RAD18: variants seen among roughly 807,000 people sequenced by gnomAD.
RAD18 encodes the protein E3 ubiquitin-protein ligase RAD18.
In RAD18, 47 loss-of-function variants were observed where a neutral mutation model predicts 60.4. The ratio of observed to expected loss-of-function variants is 0.78; its 90% CI spans 0.62 to 0.99. The LOEUF is 0.99. Among genes scored for constraint, RAD18 ranks in the 50% least tolerant of loss-of-function variants. The probability of loss-of-function intolerance (pLI) is 0.00; values close to 1 mark genes in which losing one functional copy is unlikely to be tolerated. For synonymous variants in RAD18, 225 were observed against 195.5 expected (o/e 1.15, Z -1.26); for missense variants, 640 against 593.3 (o/e 1.08, Z -0.82).
intron 7 of RAD18, among the ~76,000 whole-genome samples, chr3:8,925,801 T>A (rs1169649437): frequency 2.6e-4 from 40 of 152,228 alleles, no homozygotes; most frequent in South Asian, 8.3e-4. Flanking sequence ...ACAGAACCAA[T>A]GACAAAAACC....
chr3:8,945,952 C>T (rs1940832905), intron 4 of RAD18, among the ~76,000 whole-genome samples: 2 of 152,076 alleles, frequency 1.3e-5, no homozygotes, highest in African/African-American at 2.4e-5. Context: ...TAAAAGTTTA[C>T]AAAGTGTAAA....
At chr3:8,907,220 C>T (rs140315232) in intron 9 of RAD18, among the ~76,000 whole-genome samples, 1 of 152,366 alleles carries the variant, frequency 6.6e-6, no homozygotes, top group East Asian at 1.9e-4. Context: ...GCTTACCTCT[C>T]AAGGATCCCT....
chr3:8,919,905 TG>T (rs1208822770), intron 7 of RAD18, among the ~76,000 whole-genome samples: 2 of 152,140 alleles, frequency 1.3e-5, no homozygotes, highest in African/African-American at 4.8e-5. Context: ...TGGCCAAATG[TG>T]GAAAAATACA....
intron 7 of RAD18, among the ~76,000 whole-genome samples, chr3:8,920,278 CAAAAAAA>C (rs60504682): frequency 5.7e-5 from 4 of 70,070 alleles, no homozygotes; most frequent in South Asian, 1.1e-3. Flanking sequence ...GACTCCGTCT[CAAAAAAA>C]AAAAAAAAAA....
intron 7 of RAD18, among the ~76,000 whole-genome samples, chr3:8,915,703 C>A (rs1051276208): frequency 9.2e-5 from 14 of 151,938 alleles, no homozygotes; most frequent in African/African-American, 3.4e-4. Flanking sequence ...CCTGCCTCAG[C>A]CTCCCGAGTA....
At chr3:8,886,415 T>C (rs1167099595) in intron 12 of RAD18, among the ~76,000 whole-genome samples, 1 of 152,202 alleles carries the variant, frequency 6.6e-6, no homozygotes, top group Non-Finnish European at 1.5e-5. Context: ...AGTCAGCTGA[T>C]GGCTTAAAAT....
intron 12 of RAD18, among the ~76,000 whole-genome samples, chr3:8,888,589 T>C (rs558565489): frequency 2.0e-5 from 3 of 152,348 alleles, no homozygotes; most frequent in African/African-American, 7.2e-5. Flanking sequence ...ATTCTGCTTT[T>C]AAAACTACAT....
At chr3:8,916,348 C>A (rs973177271) in intron 7 of RAD18, among the ~76,000 whole-genome samples, 3 of 152,114 alleles carry the variant, frequency 2.0e-5, no homozygotes, top group African/African-American at 7.2e-5. Flanking sequence ...CTGCCACAAA[C>A]CTAGCATGAT....
chr3:8,895,433 C>T (rs2125048726), intron 11 of RAD18, among the ~76,000 whole-genome samples: 1 of 152,290 alleles, frequency 6.6e-6, no homozygotes, highest in African/African-American at 2.4e-5. Flanking sequence ...TTTTTTCTCT[C>T]AATTTGACCA....
At position 8,963,448 on chromosome 3, in the gene RAD18, G is replaced by T; in HGVS notation, c.-63C>A. 1.4e-6 allele frequency: 2 copies of T among 1,433,262 alleles called. No homozygotes were observed. The highest frequency in any genetic ancestry group is 9.5e-7 in the Non-Finnish European group (1 of 1,048,598). 88.8% of individuals were successfully genotyped at this position (1,433,262 alleles called of 1,614,324 possible). ...AGCCTCCGGCGCTCCAACACCACTCGAAATTCCCCGCGCTACCGCATTACG... is the reference window on the plus strand; with the variant it reads ...AGCCTCCGGCGCTCCAACACCACTCTAAATTCCCCGCGCTACCGCATTACG... On this transcript the variant is annotated 5_prime_UTR_variant, in exon 1 of 13. Transcript: ENST00000264926.
intron 2 of RAD18, among the ~76,000 whole-genome samples, chr3:8,954,278 A>G (rs1402418995): frequency 6.6e-6 from 1 of 152,236 alleles, no homozygotes; most frequent in Admixed American, 6.5e-5. Flanking sequence ...TCTTTCTAAA[A>G]AGTTCCTTCT....
rs45479694 is a variant in RAD18, at chr3:8,899,141, A to ACT, written c.1169-95_1169-94insAG. ...CTTAATACTGCCATGTGCACTTAGT[A>ACT]AAGTTGAAGTATATGTCACATAGAT... On this transcript the variant is annotated intron_variant, in intron 10 of 12. Coordinates refer to ENST00000264926, the MANE Select transcript of RAD18 (RefSeq NM_020165.4). 0.016 allele frequency: 15,701 copies of ACT among 979,196 alleles called. 1,210 individuals are homozygous for ACT. The African/African-American group carries it at 0.2, about 12-fold the overall frequency. 60.7% of individuals were successfully genotyped at this position (979,196 alleles called of 1,614,324 possible).
intron 7 of RAD18, among the ~76,000 whole-genome samples, chr3:8,934,888 G>GA (rs45507798): frequency 6.6e-6 from 1 of 151,924 alleles, no homozygotes. Flanking sequence ...CAACAAAAAT[G>GA]AAAAAAACAT....
chr3:8,923,191 A>G (rs1940361109), intron 7 of RAD18, among the ~76,000 whole-genome samples: 1 of 152,226 alleles, frequency 6.6e-6, no homozygotes, highest in Admixed American at 6.5e-5. Context: ...ATGGCTAACT[A>G]GAATAACCAA....
intron 7 of RAD18, among the ~76,000 whole-genome samples, chr3:8,930,677 G>A (rs629375): frequency 0.68 from 103,721 of 151,810 alleles, 36,011 homozygotes; most frequent in Middle Eastern, 0.77. Context: ...AATTCAACAC[G>A]CCTTCATAAT....
intron 4 of RAD18, among the ~76,000 whole-genome samples, chr3:8,945,285 T>G (rs1559795715): frequency 1.3e-5 from 2 of 152,158 alleles, no homozygotes; most frequent in Non-Finnish European, 2.9e-5. Context: ...AATCTGTTTA[T>G]ATTTTTAAAA....
chr3:8,890,551 G>A, intron 11 of RAD18, 100 bp from the exon 12 acceptor site: 1 of 856,894 alleles, frequency 1.2e-6, no homozygotes, highest in Non-Finnish European at 1.8e-6. Flanking sequence ...TATAGTGACA[G>A]AAAGCAAACC....
chr3:8,945,045 T>C (rs563326585), intron 4 of RAD18, among the ~76,000 whole-genome samples: 1 of 152,314 alleles, frequency 6.6e-6, no homozygotes, highest in African/African-American at 2.4e-5. Context: ...TGACAACGAT[T>C]TATATAGCAT....
At chr3:8,955,276 G>A (rs1208976418) in intron 2 of RAD18, among the ~76,000 whole-genome samples, 2 of 152,178 alleles carry the variant, frequency 1.3e-5, no homozygotes, top group Non-Finnish European at 2.9e-5. Context: ...CCAACTTTCT[G>A]CCTGGGGAGA....
Sources: gnomAD v4.1 joint callset for allele counts (sites outside exome capture counted in the v4.1 genomes callset) on GRCh38, gnomAD v4.1.1 for gene constraint, MANE v1.5 for transcripts, NCBI Gene and HGNC (gene_info 2026-07-23, HGNC 2026-07-21) for gene names.